LLPH: variants seen among roughly 807,000 people sequenced by gnomAD.
The protein encoded by LLPH is protein LLP homolog.
LLPH carries 5 observed loss-of-function variants against 13.3 expected under a neutral mutation model. The observed-to-expected ratio is 0.38, with a 90% CI of 0.20 to 0.79. LLPH has a LOEUF of 0.79. LLPH is among the 30% of genes least tolerant of loss of function. LLPH has a pLI of 0.45. For synonymous variants in LLPH, 32 were observed against 44.2 expected, an observed-to-expected ratio of 0.72 and a Z score of 1.09; for missense variants, 129 against 152.1, an observed-to-expected ratio of 0.85 and a Z score of 0.80.
intron 1 of LLPH, among the ~76,000 whole-genome samples, chr12:66,129,559 G>A (rs1324020029): frequency 2.0e-5 from 3 of 151,954 alleles, no homozygotes; most frequent in Non-Finnish European, 4.4e-5. Flanking sequence ...CTAATTTTTT[G>A]TATTTTTAGT....
rs560422704 is a variant in LLPH at position 66,118,564 on chromosome 12, T to C, written c.*5276A>G. The C allele has an allele frequency of 1.3e-5, 2 of 152,226 alleles. No individual in the cohort carries two copies. Among genetic ancestry groups the C allele is most frequent in the African/African-American group, 2.4e-5 (1 of 41,536 alleles). 9.4% of individuals were successfully genotyped at this position (152,226 alleles called of 1,614,324 possible). A position where few individuals can be genotyped will look rare whatever the true frequency, so the allele number is the denominator to read the frequency against. The stretch of plus-strand genomic sequence containing the variant: ...TGTTTAGATACACAAATACTTCCCA[T>C]TGTGATACAATTGCCTACAGTACTC... On this transcript the variant is annotated 3_prime_UTR_variant, in exon 3 of 3. Coordinates refer to ENST00000266604, the MANE Select transcript of LLPH (RefSeq NM_032338.4).
In LLPH at chr12:66,118,547, T is replaced by C. The variant is rs2051443663; in HGVS notation, c.*5293A>G. 1 of 152,126 alleles carries C rather than the reference T, an allele frequency of 6.6e-6. No individual in the cohort carries two copies. Among genetic ancestry groups the C allele is most frequent in the African/African-American group, 2.4e-5 (1 of 41,406 alleles). The allele number at this position is 152,126 out of a possible 1,614,324, so 9.4% of individuals were successfully genotyped here. A position where few individuals can be genotyped will look rare whatever the true frequency, so the allele number is the denominator to read the frequency against. ...TTACTGTACCTTTTCTATGTTTAGA[T>C]ACACAAATACTTCCCATTGTGATAC... On this transcript the variant is annotated 3_prime_UTR_variant, in exon 3 of 3. Coordinates refer to ENST00000266604, the MANE Select transcript of LLPH (RefSeq NM_032338.4).
Position 66,123,773 on chromosome 12 carries a change from A to G in LLPH, c.*67T>C, listed in dbSNP as rs2051478596. The stretch of plus-strand genomic sequence containing the variant: ...TTCATTTGGTGGCAGTTGAAATCAA[A>G]GTATACATGTGTATACATTCTAATC... On this transcript the variant is annotated 3_prime_UTR_variant, in exon 3 of 3. Transcript: ENST00000266604. 1 of 1,465,654 alleles carries G rather than the reference A, an allele frequency of 6.8e-7. No individual in the cohort carries two copies. The highest frequency in any genetic ancestry group is 9.1e-7 in the Non-Finnish European group (1 of 1,097,746). The allele number at this position is 1,465,654 out of a possible 1,614,324, so 90.8% of individuals were successfully genotyped here. A position where few individuals can be genotyped will look rare whatever the true frequency, so the allele number is the denominator to read the frequency against.
In LLPH at chr12:66,121,898, A is replaced by C. The variant is rs1458217963; in HGVS notation, c.*1942T>G. The C allele has an allele frequency of 6.6e-6, 1 of 151,652 alleles. No individual in the cohort carries two copies. The highest frequency in any genetic ancestry group is 1.5e-5 in the Non-Finnish European group (1 of 67,934). The allele number at this position is 151,652 out of a possible 1,614,324, so 9.4% of individuals were successfully genotyped here. On this transcript the variant is annotated 3_prime_UTR_variant, in exon 3 of 3. Coordinates refer to ENST00000266604, the MANE Select transcript of LLPH (RefSeq NM_032338.4). ...GACCCCATCTCAAAAAAAAAAAAAAAAAAAACATAAATAATTCAGCTACTG... is the reference window on the plus strand; with the variant it reads ...GACCCCATCTCAAAAAAAAAAAAAACAAAAACATAAATAATTCAGCTACTG...
chr12:66,126,327 A>C (rs2051496724), intron 2 of LLPH, among the ~76,000 whole-genome samples: 1 of 129,166 alleles, frequency 7.7e-6, no homozygotes, highest in African/African-American at 3.0e-5. Context: ...TCATCTCAAA[A>C]AAAAAAAGTA....
rs2051431009 is a variant in LLPH, at chr12:66,116,791, G to A, written c.*7049C>T. On this transcript the variant is annotated 3_prime_UTR_variant, in exon 3 of 3. Transcript: ENST00000266604. The stretch of plus-strand genomic sequence containing the variant: ...TATTAAAAACTTAATGTATTATAAA[G>A]CTATGCCATTCTTTAAATGAAAACT... The A allele has an allele frequency of 6.6e-6, 1 of 152,096 alleles. No individual in the cohort carries two copies. The highest frequency in any genetic ancestry group is 2.4e-5 in the African/African-American group (1 of 41,410). 9.4% of individuals were successfully genotyped at this position (152,096 alleles called of 1,614,324 possible). A position where few individuals can be genotyped will look rare whatever the true frequency, so the allele number is the denominator to read the frequency against.
Position 66,120,429 on chromosome 12 carries a change from C to T in LLPH, c.*3411G>A, listed in dbSNP as rs2051456011. 6.6e-6 allele frequency: 1 copy of T among 152,156 alleles called. No individual in the cohort carries two copies. The highest frequency in any genetic ancestry group is 6.5e-5 in the Admixed American group (1 of 15,280). The allele number at this position is 152,156 out of a possible 1,614,324, so 9.4% of individuals were successfully genotyped here. On this transcript the variant is annotated 3_prime_UTR_variant, in exon 3 of 3. Transcript: ENST00000266604. ...CAGTTTTAGTTGTATGGCCTGTGTG[C>T]CTCAGTTTCCCCATGTGTAAACAGA... is the stretch of plus-strand genomic sequence containing the variant.
rs2051434387 is a variant in LLPH, at chr12:66,117,238, C to T, written c.*6602G>A. ...TGCATCTGTACTGAACATGTACCGA[C>T]TTTTTTTCTTATCATTATTCCCTAA... On this transcript the variant is annotated 3_prime_UTR_variant, in exon 3 of 3. Transcript: ENST00000266604. 1 of 152,170 alleles carries T rather than the reference C, an allele frequency of 6.6e-6. No individual in the cohort carries two copies. The highest frequency in any genetic ancestry group is 1.5e-5 in the Non-Finnish European group (1 of 68,028). The allele number at this position is 152,170 out of a possible 1,614,324, so 9.4% of individuals were successfully genotyped here. A position where few individuals can be genotyped will look rare whatever the true frequency, so the allele number is the denominator to read the frequency against.
rs536627749 is a variant in LLPH, at chr12:66,118,742, C to A, written c.*5098G>T. 6 of 152,304 alleles carry A rather than the reference C, an allele frequency of 3.9e-5. No homozygotes were observed. Among genetic ancestry groups the A allele is most frequent in the African/African-American group, 1.2e-4 (5 of 41,566 alleles). 9.4% of individuals were successfully genotyped at this position (152,304 alleles called of 1,614,324 possible). On this transcript the variant is annotated 3_prime_UTR_variant, in exon 3 of 3. Transcript: ENST00000266604. ...CGATATTACCTAGTGACACACTTCT[C>A]AGAACACATCCCAGTCATTTAGTGA...
At chr12:66,124,661 T>C (rs550955492) in intron 2 of LLPH, among the ~76,000 whole-genome samples, 215 of 152,332 alleles carry the variant, frequency 1.4e-3, no homozygotes, top group African/African-American at 4.7e-3. Flanking sequence ...GACCTCCTTA[T>C]CAGGATACAC....
intron 2 of LLPH, among the ~76,000 whole-genome samples, chr12:66,124,782 G>C (rs1323347261): frequency 7.2e-5 from 11 of 152,186 alleles, no homozygotes; most frequent in Admixed American, 7.2e-4. Flanking sequence ...ACTAGGTGTT[G>C]AATGATTATT....
Position 66,121,895 on chromosome 12 carries a change from A to AT in LLPH, c.*1944_*1945insA, listed in dbSNP as rs1276301209. ...TGAGACCCCATCTCAAAAAAAAAAA[A>AT]AAAAAAAACATAAATAATTCAGCTA... is the stretch of plus-strand genomic sequence containing the variant. On this transcript the variant is annotated 3_prime_UTR_variant, in exon 3 of 3. Transcript: ENST00000266604. 5.9e-5 allele frequency: 9 copies of AT among 151,694 alleles called. No homozygotes were observed. The highest frequency in any genetic ancestry group is 1.2e-4 in the Non-Finnish European group (8 of 67,936). The allele number at this position is 151,694 out of a possible 1,614,324, so 9.4% of individuals were successfully genotyped here.
chr12:66,125,117 T>C (rs982934174), intron 2 of LLPH, among the ~76,000 whole-genome samples: 1 of 152,138 alleles, frequency 6.6e-6, no homozygotes, highest in African/African-American at 2.4e-5. Context: ...GTTAAGATAA[T>C]GAGGTTTTTA....
chr12:66,126,337 A>G (rs2051496955), intron 2 of LLPH, among the ~76,000 whole-genome samples: 1 of 57,584 alleles, frequency 1.7e-5, no homozygotes, highest in African/African-American at 7.3e-5. Context: ...AAAAAAAAGT[A>G]AAAAAAAAAA....
intron 2 of LLPH, among the ~76,000 whole-genome samples, chr12:66,126,351 A>G (rs1344850773): frequency 6.6e-6 from 1 of 151,672 alleles, no homozygotes; most frequent in African/African-American, 2.4e-5. Flanking sequence ...AAAAAAAGAA[A>G]AACTTTTAGA....
At chr12:66,128,292 AT>A (rs2051510243) in intron 2 of LLPH, among the ~76,000 whole-genome samples, 1 of 152,220 alleles carries the variant, frequency 6.6e-6, no homozygotes, top group African/African-American at 2.4e-5. Flanking sequence ...CAAATACTTA[AT>A]TTAGTTTGCT....
rs558434201 is a variant in LLPH, at chr12:66,118,691, G to C, written c.*5149C>G. ...TACCCTCTAGATTTGTGTAAGTACA[G>C]TCTATGATATTCACACAATGATTAA... On this transcript the variant is annotated 3_prime_UTR_variant, in exon 3 of 3. Transcript: ENST00000266604. The C allele has an allele frequency of 3.9e-5, 6 of 152,162 alleles. No homozygotes were observed. Among genetic ancestry groups the C allele is most frequent in the Non-Finnish European group, 8.8e-5 (6 of 68,052 alleles). 9.4% of individuals were successfully genotyped at this position (152,162 alleles called of 1,614,324 possible).
Position 66,127,988 on chromosome 12 carries a change from T to TA in LLPH, c.211+907dup, listed in dbSNP as rs1207895028. Among the ~76,000 whole-genome samples, 10 of 152,208 alleles carry TA rather than the reference T, an allele frequency of 6.6e-5. No individual in the cohort carries two copies. The East Asian group carries it at 1.4e-3, about 21-fold the overall frequency. On this transcript the variant is annotated intron_variant, in intron 2 of 2. Coordinates refer to ENST00000266604, the MANE Select transcript of LLPH (RefSeq NM_032338.4). ...AAACTGGCCTTGGAGAGAACATTAA[T>TA]AAAAAAGGGAAAACAGACTATACAA...
intron 2 of LLPH, 43 bp downstream of exon 2, chr12:66,128,848 CAAAAA>C (rs71096072): frequency 3.2e-3 from 3,157 of 986,612 alleles, no homozygotes; most frequent in Middle Eastern, 4.9e-3. Flanking sequence ...GACCCTGCCT[CAAAAA>C]AAAAAAAAAA....
Sources: allele counts gnomAD v4.1 joint callset (sites outside exome capture counted in the v4.1 genomes callset), GRCh38; gene constraint gnomAD v4.1.1; transcripts MANE v1.5; gene names NCBI Gene and HGNC (gene_info 2026-07-23, HGNC 2026-07-21).